Variants in RUNX1 observed in about 807,000 individuals in gnomAD.
RUNX1 encodes runt-related transcription factor 1.
RUNX1 carries 19 observed loss-of-function variants against 42.8 expected under a neutral mutation model. The ratio of observed to expected loss-of-function variants is 0.44; its 90% CI spans 0.31 to 0.65. The LOEUF (loss-of-function observed/expected upper bound fraction) is 0.65. Among genes scored for constraint, RUNX1 ranks in the 30% least tolerant of loss-of-function variants. The pLI is 0.07. For synonymous variants in RUNX1, 271 were observed against 289.4 expected, an observed-to-expected ratio of 0.94 and a Z score of 0.64; for missense variants, 528 against 672.0, an observed-to-expected ratio of 0.79 and a Z score of 2.37.
intron 2 of RUNX1, among the ~76,000 whole-genome samples, chr21:34,919,417 T>A (rs1167760032): frequency 1.3e-5 from 2 of 152,150 alleles, no homozygotes; most frequent in Non-Finnish European, 2.9e-5. Flanking sequence ...AAGGGACCCA[T>A]CCCGTGTTTT....
chr21:34,887,667 A>C (rs958347838), intron 3 of RUNX1: 1 of 1,076,396 alleles, frequency 9.3e-7, no homozygotes. Context: ...GAGACTTCCA[A>C]AGGTAGTGCT....
chr21:34,958,792 A>G (rs1366010478), intron 2 of RUNX1, among the ~76,000 whole-genome samples: 2 of 151,838 alleles, frequency 1.3e-5, no homozygotes, highest in Non-Finnish European at 2.9e-5. Context: ...AAAGACTTGG[A>G]ACCAACCCAA....
intron 6 of RUNX1, among the ~76,000 whole-genome samples, chr21:34,845,668 TC>T (rs1452628781): frequency 6.6e-6 from 1 of 152,014 alleles, no homozygotes; most frequent in Non-Finnish European, 1.5e-5. Context: ...CCCTGTCTTT[TC>T]CCAGCCGGAG....
At position 34,799,456 on chromosome 21, in the gene RUNX1, C is replaced by T. The variant is rs750826029; in HGVS notation, c.812G>A (p.Arg271Lys). Reference protein sequence around the residue: ...PQPQSQMQDTRQIQPSPPWSY... With the variant: ...PQPQSQMQDTKQIQPSPPWSY... ...CCACGGTGGGGATGGTTGGATCTGC[C>T]TTGTATCTGAAGAGAATCAGAAAGG... Residue 271 changes from arginine to lysine, a missense_variant, in exon 8 of 9, where the codon AGG becomes AAG. Arg to Lys is a conservative substitution (Grantham distance 26, BLOSUM62 2). This residue lies in a region of RUNX1 where 331 missense variants were observed against 382.5 expected (regional missense o/e 0.87). Transcript: ENST00000675419. 29 of 1,613,852 alleles carry T rather than the reference C, an allele frequency of 1.8e-5. No individual in the cohort carries two copies. The East Asian group carries it at 6.0e-4, about 33-fold the overall frequency.
chr21:34,912,933 T>C (rs1038219382), intron 2 of RUNX1, among the ~76,000 whole-genome samples: 1 of 152,160 alleles, frequency 6.6e-6, no homozygotes, highest in Admixed American at 6.5e-5. Flanking sequence ...GAAGCAGGCA[T>C]AGAAATGGCA....
At chr21:34,991,177 T>G (rs926578685) in intron 2 of RUNX1, among the ~76,000 whole-genome samples, 3 of 152,190 alleles carry the variant, frequency 2.0e-5, no homozygotes, top group Non-Finnish European at 4.4e-5. Flanking sequence ...CTGCCTCTCT[T>G]GCTATATCCC....
chr21:34,878,169 C>CAAA (rs67348360), intron 5 of RUNX1, among the ~76,000 whole-genome samples: 1 of 111,602 alleles, frequency 9.0e-6, no homozygotes, highest in Non-Finnish European at 2.0e-5. Context: ...AAGCAAATTG[C>CAAA]AAAAAAAAAA....
At chr21:34,997,885 CTT>C (rs912133895) in intron 2 of RUNX1, among the ~76,000 whole-genome samples, 90 of 152,290 alleles carry the variant, frequency 5.9e-4, no homozygotes, top group African/African-American at 2.0e-3. Flanking sequence ...TCATTTTGGC[CTT>C]TTCTGTGCAT....
chr21:34,891,847 G>C (rs1310036651), intron 3 of RUNX1, among the ~76,000 whole-genome samples: 2 of 152,290 alleles, frequency 1.3e-5, no homozygotes, highest in Middle Eastern at 3.4e-3. Flanking sequence ...TTCTGCAGTG[G>C]ATTTAAAAAG....
intron 2 of RUNX1, among the ~76,000 whole-genome samples, chr21:34,992,153 C>T (rs1180482973): frequency 2.0e-5 from 3 of 152,234 alleles, no homozygotes; most frequent in Non-Finnish European, 2.9e-5. Context: ...GAGAGTGAAG[C>T]GGGCGGTGTC....
intron 2 of RUNX1, among the ~76,000 whole-genome samples, chr21:34,944,241 C>T (rs114009133): frequency 0.012 from 1,886 of 152,302 alleles, 25 homozygotes; most frequent in African/African-American, 0.042. Context: ...AACTCCTGGA[C>T]TCAAGCAGTC....
chr21:35,014,626 G>C (rs1173607028), intron 2 of RUNX1, among the ~76,000 whole-genome samples: 1 of 152,248 alleles, frequency 6.6e-6, no homozygotes, highest in Non-Finnish European at 1.5e-5. Context: ...AGGGGAGCCA[G>C]TAGAAACCAC....
In RUNX1 at chr21:35,042,644, T is replaced by C. The variant is rs141027404; in HGVS notation, c.58+6198A>G. 6.7e-3 allele frequency among the ~76,000 whole-genome samples: 1,016 copies of C among 152,328 alleles called. 12 individuals are homozygous for C. The highest frequency in any genetic ancestry group is 0.023 in the African/African-American group (975 of 41,578). ...CACAAGAAGGGGTTGAGGCCTCCCA[T>C]GTCCTTTCTGCCTGGACAGATCAGA... On this transcript the variant is annotated intron_variant, in intron 2 of 8. Coordinates refer to ENST00000675419, the MANE Select transcript of RUNX1 (RefSeq NM_001754.5).
chr21:34,888,177 C>T lies in RUNX1; in HGVS notation c.98-1081G>A, dbSNP rs182269757. On this transcript the variant is annotated intron_variant, in intron 3 of 8. Coordinates refer to ENST00000675419, the MANE Select transcript of RUNX1 (RefSeq NM_001754.5). ...CTCGGGCAGCAGCGAGACGATACTCCTCCACCGTCGCCCAGCACCCGCCGG... is the reference window on the plus strand; with the variant it reads ...CTCGGGCAGCAGCGAGACGATACTCTTCCACCGTCGCCCAGCACCCGCCGG... The T allele has an allele frequency of 4.9e-5, 52 of 1,066,544 alleles. No homozygotes were observed. In the African/African-American group the frequency reaches 8.3e-4, roughly 17 times the overall value. The allele number at this position is 1,066,544 out of a possible 1,614,324, so 66.1% of individuals were successfully genotyped here.
At chr21:34,863,766 T>G (rs940565636) in intron 5 of RUNX1, among the ~76,000 whole-genome samples, 1 of 151,994 alleles carries the variant, frequency 6.6e-6, no homozygotes, top group Non-Finnish European at 1.5e-5. Flanking sequence ...ATGTCAGCCA[T>G]GCTGGTCTCG....
chr21:34,792,303 C>CGGGGGGGG lies in RUNX1; in HGVS notation c.1274_1275insCCCCCCCC (p.Arg427ProfsTer170). On this transcript the variant is annotated frameshift_variant, in exon 9 of 9. Transcript: ENST00000675419. LOFTEE classifies it high-confidence loss of function. This position sits in a 1 kb window ranked among gnomAD's most constrained non-coding sequence, Gnocchi z 6.9. ...TGGTGCAGGGCGGCAGGATGCGCGGCGGCGAGCGCTCGCCGCCCACCATGG... is the reference window on the plus strand; with the variant it reads ...TGGTGCAGGGCGGCAGGATGCGCGGCGGGGGGGGGGCGAGCGCTCGCCGCCCACCATGG... 1.6e-5 allele frequency: 24 copies of CGGGGGGGG among 1,535,972 alleles called. No homozygotes were observed. The highest frequency in any genetic ancestry group is 4.0e-5 in the Admixed American group (2 of 50,618).
At chr21:34,817,128 C>G (rs1286692989) in intron 7 of RUNX1, among the ~76,000 whole-genome samples, 1 of 152,200 alleles carries the variant, frequency 6.6e-6, no homozygotes, top group African/African-American at 2.4e-5. Flanking sequence ...GCCAAAGTAT[C>G]AACAGTGAGC....
intron 2 of RUNX1, among the ~76,000 whole-genome samples, chr21:35,002,772 G>A (rs116723513): frequency 0.01 from 1,531 of 152,056 alleles, 25 homozygotes; most frequent in African/African-American, 0.035. Flanking sequence ...CAAATTTCAC[G>A]AGGTCAGGAA....
chr21:34,872,342 TC>T (rs1461026692), intron 5 of RUNX1, among the ~76,000 whole-genome samples: 1 of 152,116 alleles, frequency 6.6e-6, no homozygotes, highest in Non-Finnish European at 1.5e-5. Context: ...TGGGGAGCCT[TC>T]TCGGAGAAGC....
Sources: gnomAD v4.1 joint callset for allele counts (sites outside exome capture counted in the v4.1 genomes callset) on GRCh38, gnomAD v4.1.1 for gene constraint, gnomAD v4.1.1 regional missense constraint, Gnocchi (gnomAD v3.1) non-coding constraint, MANE v1.5 for transcripts, NCBI Gene and HGNC (gene_info 2026-07-23, HGNC 2026-07-21) for gene names.